PARP1: variants seen among roughly 807,000 people sequenced by gnomAD.
PARP1 encodes the protein poly [ADP-ribose] polymerase 1.
PARP1 carries 44 observed loss-of-function variants against 118.7 expected under a neutral mutation model. The observed-to-expected ratio is 0.37, with a 90% CI of 0.29 to 0.48. The LOEUF is 0.48. PARP1 is among the 20% of genes least tolerant of loss of function. The pLI is 0.99. For missense variants in PARP1, 1,100 were observed against 1,272.4 expected (o/e 0.86, Z 2.06); for synonymous variants, 492 against 483.2 (o/e 1.02, Z -0.24).
intron 1 of PARP1, among the ~76,000 whole-genome samples, chr1:226,403,427 C>G (rs3219020): frequency 3.7e-4 from 57 of 152,386 alleles, no homozygotes; most frequent in African/African-American, 1.3e-3. Flanking sequence ...ACCCGCCCGC[C>G]TCGGCTTCCC....
chr1:226,399,116 C>T (rs1170101495), intron 2 of PARP1, among the ~76,000 whole-genome samples: 1 of 145,702 alleles, frequency 6.9e-6, no homozygotes, highest in African/African-American at 2.6e-5. Context: ...GCTCTGTTGC[C>T]AGGCTGGAGT....
chr1:226,391,169 CG>C (rs1037297609), intron 3 of PARP1, among the ~76,000 whole-genome samples: 1 of 151,882 alleles, frequency 6.6e-6, no homozygotes, highest in African/African-American at 2.4e-5. Context: ...CTATGTTGCC[CG>C]GGCTGGTCCA....
At chr1:226,388,625 G>T in intron 5 of PARP1, 31 bp downstream of exon 5, 1 of 1,384,464 alleles carries the variant, frequency 7.2e-7, no homozygotes, top group Non-Finnish European at 1.0e-6. Context: ...ACAGCAGAAT[G>T]TCGAAAGGAG....
Position 226,378,097 on chromosome 1 carries a change from T to A in PARP1, c.1746-794A>T, listed in dbSNP as rs143739774. 2.0e-3 allele frequency among the ~76,000 whole-genome samples: 302 copies of A among 152,238 alleles called. 2 individuals carry two copies. Among genetic ancestry groups the A allele is most frequent in the African/African-American group, 7.0e-3 (292 of 41,542 alleles). On this transcript the variant is annotated intron_variant, in intron 12 of 22. Coordinates refer to ENST00000366794, the MANE Select transcript of PARP1 (RefSeq NM_001618.4). The stretch of plus-strand genomic sequence containing the variant: ...AAATTTTTGAGAAGCACTACCTTGA[T>A]CTACGTTGAAAATTTTTTCTGACCC...
intron 5 of PARP1, 81 bp from the exon 6 acceptor site, chr1:226,386,523 G>T: frequency 1.1e-6 from 1 of 918,486 alleles, no homozygotes; most frequent in Non-Finnish European, 1.8e-6. Flanking sequence ...TGGTCATGCT[G>T]AGCCTCCAGT....
At chr1:226,397,439 C>T (rs541749901) in intron 2 of PARP1, among the ~76,000 whole-genome samples, 36 of 134,006 alleles carry the variant, frequency 2.7e-4, no homozygotes, top group African/African-American at 1.1e-3. Flanking sequence ...TCAGACATAC[C>T]AACAGCTGCA....
chr1:226,364,983 C>T lies in PARP1; in HGVS notation c.2658+19G>A, dbSNP rs536346519. ...GCAGAGACAGGCATTGCCCACCCCT[C>T]GCCAGGCCAGGCACATACCACGGGC... On this transcript the variant is annotated intron_variant, in intron 19 of 22. Transcript: ENST00000366794. 77 of 1,612,838 alleles carry T rather than the reference C, an allele frequency of 4.8e-5. 1 individual carries two copies. The highest frequency in any genetic ancestry group is 4.5e-4 in the South Asian group (41 of 91,036).
chr1:226,360,755 TAG>T lies in PARP1; in HGVS notation c.*703_*704del, dbSNP rs1385800116. ...AGCCCTTGGGTAAGTATATTTGTGG[TAG>T]AGTTTTAATTTGGAAGACAAAAGTG... On this transcript the variant is annotated 3_prime_UTR_variant, in exon 23 of 23. Coordinates refer to ENST00000366794, the MANE Select transcript of PARP1 (RefSeq NM_001618.4). The T allele has an allele frequency of 8.7e-6, 2 of 228,648 alleles. No individual in the cohort carries two copies. Among genetic ancestry groups the T allele is most frequent in the African/African-American group, 2.2e-5 (1 of 45,088 alleles). 14.2% of individuals were successfully genotyped at this position (228,648 alleles called of 1,614,324 possible).
chr1:226,392,290 C>T lies in PARP1; in HGVS notation c.311G>A (p.Ser104Asn). 1.2e-6 allele frequency: 2 copies of T among 1,613,900 alleles called. No homozygotes were observed. The highest frequency in any genetic ancestry group is 1.7e-6 in the Non-Finnish European group (2 of 1,179,844). Residue 104 changes from serine (S) to asparagine (N), a missense_variant, in exon 3 of 23, where the codon AGC (serine) becomes AAC (asparagine). This residue lies in a region of PARP1 where 948 missense variants were observed against 1,031.8 expected (regional missense o/e 0.92). Transcript: ENST00000366794. Reference sequence around the variant, plus strand: ...GTCACCCAGAGTCTTCTCTGCCTTGCTACCAATTCCATCCTGGCCTTTGCC... The same window carrying T: ...GTCACCCAGAGTCTTCTCTGCCTTGTTACCAATTCCATCCTGGCCTTTGCC... ...VTGKGQDGIG[S>N]KAEKTLGDFA...
intron 15 of PARP1, 125 bp downstream of exon 15, chr1:226,370,309 G>A: frequency 5.1e-6 from 4 of 781,516 alleles, no homozygotes; most frequent in Non-Finnish European, 9.4e-6. Context: ...AAACCCTCGT[G>A]AAGTGCAGTT....
At chr1:226,382,055 C>T (rs1298821215) in intron 8 of PARP1, among the ~76,000 whole-genome samples, 1 of 152,210 alleles carries the variant, frequency 6.6e-6, no homozygotes, top group Non-Finnish European at 1.5e-5. Context: ...GCCAGCAGCA[C>T]AGTGGACTCG....
intron 18 of PARP1, 32 bp from the exon 19 acceptor site, chr1:226,365,186 A>G (rs1209355138): frequency 6.2e-7 from 1 of 1,613,042 alleles, no homozygotes; most frequent in Non-Finnish European, 8.5e-7. Flanking sequence ...GGGAAGGACA[A>G]AAGAAGCCAT....
rs747051680 is a variant in PARP1 at position 226,361,556 on chromosome 1, G to A, written c.2964-15C>T. On this transcript the variant is annotated splice_polypyrimidine_tract_variant and intron_variant, in intron 22 of 22. Transcript: ENST00000366794. ...AGACAATGTACCTGAGGGGAAGCTT[G>A]TTAAGGAGCCAACAGCCATACAACA... The A allele has an allele frequency of 1.5e-5, 24 of 1,571,742 alleles. No individual in the cohort carries two copies. In the Admixed American group the frequency reaches 2.3e-4, roughly 15 times the overall value.
At chr1:226,386,710 T>C (rs1664723793) in intron 5 of PARP1, among the ~76,000 whole-genome samples, 2 of 152,182 alleles carry the variant, frequency 1.3e-5, no homozygotes, top group Non-Finnish European at 2.9e-5. Context: ...CCAAGGCTCC[T>C]GGAACCAACC....
intron 20 of PARP1, 25 bp from the exon 21 acceptor site, chr1:226,363,185 A>G (rs369148078): frequency 1.3e-6 from 2 of 1,560,226 alleles, no homozygotes; most frequent in Non-Finnish European, 1.8e-6. Flanking sequence ...ACAGTCTCAG[A>G]AGAGGCCTTC....
intron 4 of PARP1, among the ~76,000 whole-genome samples, chr1:226,389,484 C>T (rs3219045): frequency 0.051 from 7,750 of 152,254 alleles, 656 homozygotes; most frequent in African/African-American, 0.18. Flanking sequence ...CCTCACAGAA[C>T]TCTGGTGATG....
intron 18 of PARP1, 121 bp downstream of exon 18, chr1:226,365,833 C>A: frequency 1.5e-6 from 1 of 688,380 alleles, no homozygotes; most frequent in Non-Finnish European, 2.7e-6. Context: ...ACAAATGAGT[C>A]ACTTCTTTGG....
intron 2 of PARP1, among the ~76,000 whole-genome samples, chr1:226,400,261 A>G (rs1665006887): frequency 6.6e-6 from 1 of 152,140 alleles, no homozygotes; most frequent in Admixed American, 6.5e-5. Context: ...ACCATGCCAC[A>G]GCACTCCAGC....
intron 12 of PARP1, among the ~76,000 whole-genome samples, chr1:226,377,543 T>G (rs1664516226): frequency 6.6e-6 from 1 of 152,228 alleles, no homozygotes; most frequent in South Asian, 2.1e-4. Flanking sequence ...AACTTGGTTC[T>G]GGCAGCCAAG....
Sources: allele counts gnomAD v4.1 joint callset (sites outside exome capture counted in the v4.1 genomes callset), GRCh38; gene constraint gnomAD v4.1.1; regional missense constraint gnomAD v4.1.1; transcripts MANE v1.5; gene names NCBI Gene and HGNC (gene_info 2026-07-23, HGNC 2026-07-21).